CAMTA1: variants seen among roughly 807,000 people sequenced by gnomAD.
CAMTA1 encodes the protein calmodulin-binding transcription activator 1.
CAMTA1 carries 27 observed loss-of-function variants against 170.9 expected under a neutral mutation model. The ratio of observed to expected loss-of-function variants is 0.16; its 90% confidence interval spans 0.12 to 0.22. The LOEUF is 0.22. CAMTA1 is among the 10% of genes least tolerant of loss of function. The pLI is 1.00. For missense variants in CAMTA1, 1,619 were observed against 2,217.2 expected, an observed-to-expected ratio of 0.73 and a Z score of 5.42; for synonymous variants, 833 against 891.5, an observed-to-expected ratio of 0.93 and a Z score of 1.17.
chr1:7,382,221 G>T (rs1441925991), intron 5 of CAMTA1, among the ~76,000 whole-genome samples: 1 of 152,220 alleles, frequency 6.6e-6, no homozygotes, highest in Non-Finnish European at 1.5e-5. Context: ...TAAATTTGGG[G>T]ATTCTAATAC....
chr1:7,554,154 T>C, intron 6 of CAMTA1, among the ~76,000 whole-genome samples: 1 of 152,118 alleles, frequency 6.6e-6, no homozygotes, highest in East Asian at 1.9e-4. Context: ...CAGGAGTCAT[T>C]CCCGGGTTCG....
rs1161796080 is a variant in CAMTA1 at position 7,092,855 on chromosome 1, G to A, written c.302+1484G>A. Among the ~76,000 whole-genome samples, 3 of 152,210 alleles carry A rather than the reference G, an allele frequency of 2.0e-5. No homozygotes were observed. The highest frequency in any genetic ancestry group is 4.8e-5 in the African/African-American group (2 of 41,454). On this transcript the variant is annotated intron_variant, in intron 4 of 22. Transcript: ENST00000303635. The surrounding 1 kb of genome is among the most constrained non-coding windows in gnomAD (Gnocchi z 5.0). Reference sequence around the variant, plus strand: ...CCTGGGAAGTTGGCGTCTCCCAGAGGAGGGCAGAGGCTTACAAGCCCAAGG... The same window carrying A: ...CCTGGGAAGTTGGCGTCTCCCAGAGAAGGGCAGAGGCTTACAAGCCCAAGG...
intron 3 of CAMTA1, among the ~76,000 whole-genome samples, chr1:6,939,169 G>C (rs561082024): frequency 1.3e-5 from 2 of 152,322 alleles, no homozygotes; most frequent in East Asian, 3.9e-4. Flanking sequence ...AGGAGCAGGC[G>C]TGGAGCGTCA....
intron 5 of CAMTA1, among the ~76,000 whole-genome samples, chr1:7,420,174 C>T (rs1326788979): frequency 6.6e-6 from 1 of 152,100 alleles, no homozygotes; most frequent in Non-Finnish European, 1.5e-5. Flanking sequence ...CTCCTTTGGC[C>T]TTCACACTCA....
chr1:7,229,342 T>A (rs996104363), intron 4 of CAMTA1, among the ~76,000 whole-genome samples: 8 of 142,130 alleles, frequency 5.6e-5, no homozygotes, highest in African/African-American at 2.1e-4. Context: ...GTTGCAGGGC[T>A]GGACCACGAG....
chr1:6,915,040 G>A (rs1680491786), intron 3 of CAMTA1, among the ~76,000 whole-genome samples: 1 of 152,178 alleles, frequency 6.6e-6, no homozygotes, highest in South Asian at 2.1e-4. Context: ...GGCTTGTCAG[G>A]AAGCTTTGCC....
chr1:7,602,020 GGAGGGAGAGGAGGGA>G (rs1553218133), intron 6 of CAMTA1, among the ~76,000 whole-genome samples: 28 of 75,476 alleles, frequency 3.7e-4, no homozygotes, highest in African/African-American at 9.2e-4. Context: ...GAGAGGGAGA[GGAGGGAGAGGAGGGA>G]GAGGGAGAGG....
rs2095774952 is a variant in CAMTA1 at position 7,642,827 on chromosome 1, C to G, written c.664+2274C>G. ...AATCTAGCAGCCTCTGCCCTAAGAC[C>G]AGCACTTCCAGCCATCTCAGGGGGC... On this transcript the variant is annotated intron_variant, in intron 7 of 22. Transcript: ENST00000303635. The surrounding 1 kb of genome is among the most constrained non-coding windows in gnomAD (Gnocchi z 6.3). Among the ~76,000 whole-genome samples, 1 of 152,154 alleles carries G rather than the reference C, an allele frequency of 6.6e-6. No individual in the cohort carries two copies. Among genetic ancestry groups the G allele is most frequent in the South Asian group, 2.1e-4 (1 of 4,824 alleles).
At chr1:6,914,612 G>T (rs1262576821) in intron 3 of CAMTA1, among the ~76,000 whole-genome samples, 2 of 152,238 alleles carry the variant, frequency 1.3e-5, no homozygotes, top group Admixed American at 1.3e-4. Context: ...GTGGGGTGCT[G>T]TTTACCCACT....
chr1:7,586,616 C>A lies in CAMTA1; in HGVS notation c.511-53784C>A, dbSNP rs181171158. Among the ~76,000 whole-genome samples, 8 of 152,294 alleles carry A rather than the reference C, an allele frequency of 5.3e-5. No homozygotes were observed. In the East Asian group the frequency reaches 1.5e-3, roughly 29 times the overall value. On this transcript the variant is annotated intron_variant, in intron 6 of 22. Transcript: ENST00000303635. ...TCCTGCCCCAGCACTCCTCTGCCCT[C>A]AGCTCACCAGCTGGGCAACAATACC...
chr1:6,890,144 G>A (rs1571415192), intron 3 of CAMTA1, among the ~76,000 whole-genome samples: 1 of 152,318 alleles, frequency 6.6e-6, no homozygotes, highest in East Asian at 1.9e-4. Flanking sequence ...CTGAAGAGAA[G>A]CCAGTTTATG....
chr1:7,656,205 C>T lies in CAMTA1; in HGVS notation c.665-5521C>T, dbSNP rs188696570. On this transcript the variant is annotated intron_variant, in intron 7 of 22. Coordinates refer to ENST00000303635, the MANE Select transcript of CAMTA1 (RefSeq NM_015215.4). ...AAAAGACGAAGACTAAAACACTGCC[C>T]TCACAGTGTGCCACAGACTGGCGGC... 3.2e-3 allele frequency among the ~76,000 whole-genome samples: 483 copies of T among 152,338 alleles called. 11 individuals are homozygous for T. The highest frequency in any genetic ancestry group is 0.03 in the Admixed American group (454 of 15,298).
Position 7,162,542 on chromosome 1 carries a change from A to G in CAMTA1, c.302+71171A>G, listed in dbSNP as rs1381781950. On this transcript the variant is annotated intron_variant, in intron 4 of 22. Transcript: ENST00000303635. ...CTGATGTATTGTGGACATTTTATAT[A>G]AAAAGAATCATACAATGGGTGGTCT... Among the ~76,000 whole-genome samples, 3 of 152,202 alleles carry G rather than the reference A, an allele frequency of 2.0e-5. No homozygotes were observed. In the East Asian group the frequency reaches 5.8e-4, roughly 29 times the overall value.
chr1:7,165,046 T>C (rs542290710), intron 4 of CAMTA1, among the ~76,000 whole-genome samples: 1 of 152,298 alleles, frequency 6.6e-6, no homozygotes, highest in Admixed American at 6.5e-5. Context: ...AGCACGACAG[T>C]AATAAAGTAG....
chr1:6,901,095 G>T (rs1354349834), intron 3 of CAMTA1, among the ~76,000 whole-genome samples: 1 of 152,228 alleles, frequency 6.6e-6, no homozygotes, highest in African/African-American at 2.4e-5. Flanking sequence ...TCCACACATA[G>T]ATGCTCAATT....
At chr1:7,527,268 G>A (rs1440800163) in intron 6 of CAMTA1, among the ~76,000 whole-genome samples, 4 of 152,220 alleles carry the variant, frequency 2.6e-5, no homozygotes, top group African/African-American at 9.6e-5. Flanking sequence ...CTGCCACTGA[G>A]TGACAGATGA....
At chr1:7,174,947 G>C (rs1650469628) in intron 4 of CAMTA1, among the ~76,000 whole-genome samples, 1 of 152,172 alleles carries the variant, frequency 6.6e-6, no homozygotes, top group Non-Finnish European at 1.5e-5. Flanking sequence ...CTTTCCCCAG[G>C]ATTAGGGAGC....
intron 6 of CAMTA1, among the ~76,000 whole-genome samples, chr1:7,502,856 C>T (rs1407937504): frequency 2.0e-5 from 3 of 152,222 alleles, no homozygotes; most frequent in African/African-American, 7.2e-5. Flanking sequence ...CAAGAGCTCC[C>T]CTACAAGGGC....
At chr1:7,591,222 A>G (rs1034253139) in intron 6 of CAMTA1, among the ~76,000 whole-genome samples, 4 of 152,256 alleles carry the variant, frequency 2.6e-5, no homozygotes, top group African/African-American at 9.6e-5. Flanking sequence ...ACAGGATTCA[A>G]AAGAGATTAA....
Sources: allele counts gnomAD v4.1 joint callset (sites outside exome capture counted in the v4.1 genomes callset), GRCh38; gene constraint gnomAD v4.1.1; non-coding constraint Gnocchi (gnomAD v3.1); transcripts MANE v1.5; gene names NCBI Gene and HGNC (gene_info 2026-07-23, HGNC 2026-07-21).